Variants in AFG2A observed in about 807,000 individuals in gnomAD.
AFG2A encodes the protein AAA ATPase AFG2A.
the AFG2A span, chr4:123,090,774 T>C: frequency 9.5e-6 from 15 of 1,571,746 alleles, no homozygotes; most frequent in East Asian, 4.5e-5. Context: ...CAGGTTTTTG[T>C]TTTTGTCAAA....
At chr4:123,045,055 TG>T in the AFG2A span, among the ~76,000 whole-genome samples, 1 of 152,148 alleles carries the variant, frequency 6.6e-6, no homozygotes, top group African/African-American at 2.4e-5. Context: ...TGAAAATTTT[TG>T]AAAATATTTA....
At chr4:123,064,342 CTAA>C in the AFG2A span, among the ~76,000 whole-genome samples, 6 of 152,012 alleles carry the variant, frequency 3.9e-5, no homozygotes, top group African/African-American at 1.2e-4. Context: ...TTATACTGGG[CTAA>C]TAATAATATT....
the AFG2A span, among the ~76,000 whole-genome samples, chr4:122,932,345 C>T: frequency 1.6e-4 from 25 of 151,922 alleles, no homozygotes; most frequent in African/African-American, 5.5e-4. Context: ...CATGCCACCA[C>T]GTCTGGCTAG....
the AFG2A span, among the ~76,000 whole-genome samples, chr4:123,133,410 T>G: frequency 2.6e-5 from 4 of 152,222 alleles, no homozygotes; most frequent in Middle Eastern, 3.4e-3. Context: ...ATCTGCAGTT[T>G]AGAACGTTGT....
chr4:122,990,409 C>A, the AFG2A span, among the ~76,000 whole-genome samples: 1 of 152,228 alleles, frequency 6.6e-6, no homozygotes, highest in Non-Finnish European at 1.5e-5. Context: ...AGAGTCTGGC[C>A]TAGTTGTATC....
At chr4:123,136,968 T>C in the AFG2A span, among the ~76,000 whole-genome samples, 2 of 152,186 alleles carry the variant, frequency 1.3e-5, no homozygotes, top group African/African-American at 2.4e-5. Flanking sequence ...AAGACAATTT[T>C]TCCACAGGTG....
the AFG2A span, among the ~76,000 whole-genome samples, chr4:123,264,158 T>A: frequency 6.6e-6 from 1 of 152,116 alleles, no homozygotes; most frequent in Admixed American, 6.6e-5. Flanking sequence ...GGAGCAAAGC[T>A]ATGAGTATGC....
chr4:123,110,122 A>C, the AFG2A span, among the ~76,000 whole-genome samples: 1 of 152,116 alleles, frequency 6.6e-6, no homozygotes, highest in Non-Finnish European at 1.5e-5. Flanking sequence ...TGAATAGCAA[A>C]ACGAACACTA....
the AFG2A span, among the ~76,000 whole-genome samples, chr4:123,147,033 T>C: frequency 1.3e-5 from 2 of 152,198 alleles, no homozygotes; most frequent in Non-Finnish European, 2.9e-5. Flanking sequence ...CCAAGATCTA[T>C]AACATTTTAT....
the AFG2A span, among the ~76,000 whole-genome samples, chr4:123,297,560 A>G: frequency 6.6e-6 from 1 of 151,964 alleles, no homozygotes; most frequent in Non-Finnish European, 1.5e-5. Flanking sequence ...TCTACTAAAA[A>G]TACAAAAAAT....
chr4:122,926,176 C>T, the AFG2A span, among the ~76,000 whole-genome samples: 1 of 152,008 alleles, frequency 6.6e-6, no homozygotes, highest in East Asian at 1.9e-4. Context: ...GAGAATAAAT[C>T]CTGGGACATG....
At chr4:123,104,930 G>A in the AFG2A span, among the ~76,000 whole-genome samples, 6 of 152,322 alleles carry the variant, frequency 3.9e-5, no homozygotes, top group South Asian at 8.3e-4. Context: ...TGATGTAGAA[G>A]CCGTAGCCAG....
At chr4:123,165,287 A>G in the AFG2A span, among the ~76,000 whole-genome samples, 1 of 152,200 alleles carries the variant, frequency 6.6e-6, no homozygotes, top group Non-Finnish European at 1.5e-5. Context: ...ATGTTCTAAT[A>G]CTACATTATG....
chr4:123,256,816 C>T, the AFG2A span: 1 of 984,088 alleles, frequency 1.0e-6, no homozygotes, highest in Non-Finnish European at 1.2e-6. Flanking sequence ...CATTTTTTCT[C>T]TCCTTACCAA....
At chr4:123,003,524 G>C in the AFG2A span, among the ~76,000 whole-genome samples, 2 of 152,160 alleles carry the variant, frequency 1.3e-5, no homozygotes, top group Admixed American at 1.3e-4. Flanking sequence ...CCTTCTAACA[G>C]ACAGGACCCT....
At chr4:123,128,961 G>A in the AFG2A span, among the ~76,000 whole-genome samples, 3 of 152,110 alleles carry the variant, frequency 2.0e-5, no homozygotes, top group East Asian at 5.8e-4. Context: ...CTTTAGAAAA[G>A]TATTATATGC....
At chr4:122,957,678 T>C in the AFG2A span, among the ~76,000 whole-genome samples, 1 of 152,228 alleles carries the variant, frequency 6.6e-6, no homozygotes, top group East Asian at 1.9e-4. Flanking sequence ...TTTGAGTTGC[T>C]CTCAGTCCTT....
the AFG2A span, among the ~76,000 whole-genome samples, chr4:123,132,779 CCT>C: frequency 4.9e-5 from 7 of 143,390 alleles, no homozygotes; most frequent in African/African-American, 1.9e-4. Context: ...TGATTTCAAT[CCT>C]TTTTTTTTTT....
the AFG2A span, chr4:122,929,189 G>GGCGCTGAGGAAATGGATGTC: frequency 6.3e-7 from 1 of 1,581,184 alleles, no homozygotes; most frequent in Non-Finnish European, 8.6e-7. Context: ...AAATGGATGT[G>GGCGCTGAGGAAATGGATGTC]GCACTGAGGT....
Sources: gnomAD v4.1 joint callset for allele counts (sites outside exome capture counted in the v4.1 genomes callset) on GRCh38, gnomAD v4.1.1 for gene constraint, MANE v1.5 for transcripts, NCBI Gene and HGNC (gene_info 2026-07-23, HGNC 2026-07-21) for gene names.